The following CADPS2 variants were observed in gnomAD, a reference collection of about 807,000 sequenced individuals.
CADPS2 encodes calcium-dependent secretion activator 2.
CADPS2 carries 93 observed loss-of-function variants against 172.5 expected under a neutral mutation model. The ratio of observed to expected loss-of-function variants is 0.54; its 90% confidence interval spans 0.46 to 0.64. CADPS2 has a LOEUF of 0.64. CADPS2 is among the 30% of genes least tolerant of loss of function. The pLI is 0.00. For synonymous variants in CADPS2, 546 were observed against 555.2 expected, an observed-to-expected ratio of 0.98 and a Z score of 0.23; for missense variants, 1,420 against 1,565.9, an observed-to-expected ratio of 0.91 and a Z score of 1.57.
At chr7:122,436,398 A>G (rs2050647713) in intron 17 of CADPS2, 2 of 1,265,526 alleles carry the variant, frequency 1.6e-6, no homozygotes, top group East Asian at 5.9e-5. Context: ...ATAAGAAAAG[A>G]GAATTTAGGA....
chr7:122,829,803 T>A (rs1805967058), intron 1 of CADPS2, among the ~76,000 whole-genome samples: 1 of 152,116 alleles, frequency 6.6e-6, no homozygotes, highest in South Asian at 2.1e-4. Context: ...TTAATTACAA[T>A]ATCCTTCTAT....
chr7:122,447,191 G>A (rs1316340712), intron 15 of CADPS2, among the ~76,000 whole-genome samples: 3 of 151,890 alleles, frequency 2.0e-5, no homozygotes, highest in African/African-American at 7.2e-5. Context: ...AGACAACTGA[G>A]ACACAGTATT....
chr7:122,873,378 T>G (rs1820323600), intron 1 of CADPS2, among the ~76,000 whole-genome samples: 1 of 152,164 alleles, frequency 6.6e-6, no homozygotes. Context: ...TGTCCACATG[T>G]TCTCATTGTT....
intron 1 of CADPS2, among the ~76,000 whole-genome samples, chr7:122,822,889 C>T (rs937742636): frequency 3.3e-5 from 5 of 152,034 alleles, no homozygotes; most frequent in South Asian, 2.1e-4. Flanking sequence ...CCCCTATCTC[C>T]CTTCGCTGAC....
At chr7:122,592,953 G>T (rs911947114) in intron 6 of CADPS2, among the ~76,000 whole-genome samples, 3 of 151,482 alleles carry the variant, frequency 2.0e-5, no homozygotes, top group Non-Finnish European at 4.4e-5. Flanking sequence ...AAACCTGCAC[G>T]TTGTACACGT....
chr7:122,715,103 C>A (rs2089401443), intron 2 of CADPS2, among the ~76,000 whole-genome samples: 1 of 152,126 alleles, frequency 6.6e-6, no homozygotes, highest in South Asian at 2.1e-4. Flanking sequence ...CCGTTTATGG[C>A]AATTTGATAC....
chr7:122,358,592 T>C (rs2151110049), intron 27 of CADPS2, among the ~76,000 whole-genome samples: 1 of 152,240 alleles, frequency 6.6e-6, no homozygotes, highest in Non-Finnish European at 1.5e-5. Flanking sequence ...CTGCATTGTA[T>C]GTGGGTCTAG....
chr7:122,606,569 G>A (rs895279870), intron 6 of CADPS2, among the ~76,000 whole-genome samples: 3 of 152,266 alleles, frequency 2.0e-5, no homozygotes, highest in East Asian at 3.9e-4. Flanking sequence ...AAAAATTGGA[G>A]CTTGGGGTAG....
chr7:122,609,774 T>C (rs2074060540), intron 6 of CADPS2, among the ~76,000 whole-genome samples: 1 of 152,160 alleles, frequency 6.6e-6, no homozygotes, highest in Non-Finnish European at 1.5e-5. Flanking sequence ...AAATACGGAC[T>C]AAATAAGGCA....
At chr7:122,756,626 C>T (rs907789685) in intron 1 of CADPS2, among the ~76,000 whole-genome samples, 2 of 152,144 alleles carry the variant, frequency 1.3e-5, no homozygotes, top group Non-Finnish European at 2.9e-5. Context: ...GGGTTGGGCG[C>T]GGTGGCACAC....
chr7:122,617,263 C>T (rs765557684), intron 5 of CADPS2, among the ~76,000 whole-genome samples: 2 of 152,148 alleles, frequency 1.3e-5, no homozygotes, highest in Non-Finnish European at 2.9e-5. Flanking sequence ...TCAAAAGATA[C>T]AGCTTCTGTG....
Position 122,695,818 on chromosome 7 carries a change from CAAT to C in CADPS2, c.454-32252_454-32250del, listed in dbSNP as rs1266410520. On this transcript the variant is annotated intron_variant, in intron 2 of 29. Coordinates refer to ENST00000449022, the MANE Select transcript of CADPS2 (RefSeq NM_017954.11). The stretch of plus-strand genomic sequence containing the variant: ...GGGAGTAACTCAGGTCTTAGATTGA[CAAT>C]GATGAACAAAGGAAAAGGAGGAGAA... Among the ~76,000 whole-genome samples the C allele has an allele frequency of 1.7e-3, 255 of 151,938 alleles. 2 individuals carry two copies. The highest frequency in any genetic ancestry group is 3.4e-4 in the Non-Finnish European group (23 of 67,972).
intron 14 of CADPS2, among the ~76,000 whole-genome samples, chr7:122,464,544 T>C (rs1236424773): frequency 6.6e-6 from 1 of 152,114 alleles, no homozygotes; most frequent in African/African-American, 2.4e-5. Context: ...AAAAATGACA[T>C]CTTTACAGTA....
chr7:122,431,186 A>T (rs1027547091), intron 17 of CADPS2, among the ~76,000 whole-genome samples: 2 of 152,194 alleles, frequency 1.3e-5, no homozygotes, highest in Admixed American at 6.5e-5. Flanking sequence ...CAGTTTATGG[A>T]TGTTCTTTCT....
At chr7:122,425,340 C>A (rs2049022166) in intron 17 of CADPS2, among the ~76,000 whole-genome samples, 1 of 147,924 alleles carries the variant, frequency 6.8e-6, no homozygotes, top group Non-Finnish European at 1.5e-5. Flanking sequence ...GTAATCCCTG[C>A]ACATTGGGAG....
intron 11 of CADPS2, among the ~76,000 whole-genome samples, chr7:122,482,942 G>C (rs1034269949): frequency 2.0e-5 from 3 of 152,184 alleles, no homozygotes; most frequent in Non-Finnish European, 4.4e-5. Context: ...CGAGAGGACA[G>C]TGCCCCAAAC....
intron 11 of CADPS2, among the ~76,000 whole-genome samples, chr7:122,489,134 A>G (rs1378212406): frequency 6.6e-6 from 1 of 152,198 alleles, no homozygotes; most frequent in Non-Finnish European, 1.5e-5. Flanking sequence ...TAATTACGAT[A>G]ATCTATGAGT....
At chr7:122,604,115 C>A (rs1284506690) in intron 6 of CADPS2, among the ~76,000 whole-genome samples, 2 of 152,010 alleles carry the variant, frequency 1.3e-5, no homozygotes, top group Non-Finnish European at 2.9e-5. Context: ...AATTCTACTT[C>A]CTTATCTTTC....
chr7:122,570,345 A>G (rs2067065822), intron 7 of CADPS2, among the ~76,000 whole-genome samples: 1 of 152,008 alleles, frequency 6.6e-6, no homozygotes, highest in Admixed American at 6.6e-5. Context: ...ACCATCTCAC[A>G]CCAGTTAGAA....
Sources: allele counts gnomAD v4.1 joint callset (sites outside exome capture counted in the v4.1 genomes callset), GRCh38; gene constraint gnomAD v4.1.1; transcripts MANE v1.5; gene names NCBI Gene and HGNC (gene_info 2026-07-23, HGNC 2026-07-21).